Variants in PAPSS1 observed in about 807,000 individuals in gnomAD.
PAPSS1 encodes 3'-phosphoadenosine 5'-phosphosulfate synthase 1.
Under a neutral mutation model 72.0 loss-of-function variants are expected in PAPSS1, and 50 were observed. The observed-to-expected ratio is 0.69, with a 90% CI of 0.55 to 0.88. The LOEUF (loss-of-function observed/expected upper bound fraction) is 0.88. Ranked by LOEUF, PAPSS1 falls within the 40% of genes least tolerant of loss-of-function variation. PAPSS1 has a pLI of 0.00. For synonymous variants in PAPSS1, 261 were observed against 263.6 expected, an observed-to-expected ratio of 0.99 and a Z score of 0.09; for missense variants, 657 against 782.2, an observed-to-expected ratio of 0.84 and a Z score of 1.91.
chr4:107,697,727 C>A (rs1723105946), intron 2 of PAPSS1, among the ~76,000 whole-genome samples: 1 of 151,984 alleles, frequency 6.6e-6, no homozygotes, highest in Non-Finnish European at 1.5e-5. Flanking sequence ...AACTGGTATA[C>A]CTGAAGAATA....
intron 1 of PAPSS1, among the ~76,000 whole-genome samples, chr4:107,709,916 A>G (rs1397551762): frequency 6.6e-6 from 1 of 152,210 alleles, no homozygotes; most frequent in Non-Finnish European, 1.5e-5. Flanking sequence ...CTCTATTGCA[A>G]TTACCCTGTC....
intron 1 of PAPSS1, chr4:107,719,755 G>A: frequency 1.9e-6 from 2 of 1,057,056 alleles, no homozygotes; most frequent in Non-Finnish European, 2.3e-6. Context: ...TATGCAGGAA[G>A]CTCCTGTTTC....
chr4:107,717,285 C>T (rs932046292), intron 1 of PAPSS1, among the ~76,000 whole-genome samples: 1 of 151,830 alleles, frequency 6.6e-6, no homozygotes, highest in African/African-American at 2.4e-5. Context: ...CATATTTCCT[C>T]TATAGACTAT....
At chr4:107,708,564 C>T (rs1389815752) in intron 1 of PAPSS1, among the ~76,000 whole-genome samples, 1 of 152,172 alleles carries the variant, frequency 6.6e-6, no homozygotes, top group Non-Finnish European at 1.5e-5. Flanking sequence ...CTTTTCTTAT[C>T]AAATCAAGCT....
At position 107,614,000 on chromosome 4, in the gene PAPSS1, GAC is replaced by G. The variant is rs1725755950; in HGVS notation, c.*247_*248del. On this transcript the variant is annotated 3_prime_UTR_variant, in exon 12 of 12. Coordinates refer to ENST00000265174, the MANE Select transcript of PAPSS1 (RefSeq NM_005443.5). ...CAGAAGCATAAATATAATATAAAAAGACAATTTTAAAATTGTATTGTAGGAAT... is the reference window on the plus strand; with the variant it reads ...CAGAAGCATAAATATAATATAAAAAGAATTTTAAAATTGTATTGTAGGAAT... The G allele has an allele frequency of 1.8e-5, 5 of 273,250 alleles. No homozygotes were observed. The highest frequency in any genetic ancestry group is 3.4e-5 in the Non-Finnish European group (5 of 147,854). 16.9% of individuals were successfully genotyped at this position (273,250 alleles called of 1,614,324 possible).
At chr4:107,656,710 C>T (rs965703177) in intron 7 of PAPSS1, among the ~76,000 whole-genome samples, 186 bp downstream of exon 7, 12 of 152,082 alleles carry the variant, frequency 7.9e-5, no homozygotes, top group African/African-American at 2.7e-4. Flanking sequence ...AGTCAGGACA[C>T]GGAAAAACGA....
chr4:107,654,909 C>A lies in PAPSS1; in HGVS notation c.896-9G>T. The A allele has an allele frequency of 6.2e-7, 1 of 1,604,028 alleles. No homozygotes were observed. Among genetic ancestry groups the A allele is most frequent in the African/African-American group, 1.3e-5 (1 of 74,718 alleles). On this transcript the variant is annotated splice_polypyrimidine_tract_variant and intron_variant, in intron 7 of 11. Coordinates refer to ENST00000265174, the MANE Select transcript of PAPSS1 (RefSeq NM_005443.5). ...CAAGTTAATGACACCTCCTGCAGAG[C>A]ACAAAAGAACATGAAGCACACAGCT... is the stretch of plus-strand genomic sequence containing the variant.
chr4:107,622,807 C>T (rs1383536178), intron 11 of PAPSS1, among the ~76,000 whole-genome samples: 4 of 152,224 alleles, frequency 2.6e-5, no homozygotes, highest in Non-Finnish European at 1.5e-5. Flanking sequence ...GAACCCTTCA[C>T]TAATTCCATC....
intron 5 of PAPSS1, among the ~76,000 whole-genome samples, chr4:107,669,368 C>T (rs9307312): frequency 6.6e-6 from 1 of 152,206 alleles, no homozygotes; most frequent in Non-Finnish European, 1.5e-5. Context: ...AGTTGTGTGT[C>T]TATGTGTATT....
At chr4:107,673,823 A>G (rs1727562936) in intron 5 of PAPSS1, among the ~76,000 whole-genome samples, 1 of 152,242 alleles carries the variant, frequency 6.6e-6, no homozygotes, top group Non-Finnish European at 1.5e-5. Flanking sequence ...CAAAAAGGGA[A>G]GCCCATCAGA....
At position 107,693,953 on chromosome 4, in the gene PAPSS1, C is replaced by G; in HGVS notation, c.229G>C (p.Val77Leu). 1 of 1,613,806 alleles carries G rather than the reference C, an allele frequency of 6.2e-7. No homozygotes were observed. The highest frequency in any genetic ancestry group is 8.5e-7 in the Non-Finnish European group (1 of 1,179,850). Residue 77 changes from valine (V) to leucine (L), a missense_variant, in exon 3 of 12, where the codon GTT becomes CTT. Physicochemically the swap from Val to Leu is conservative, Grantham distance 32. Coordinates refer to ENST00000265174, the MANE Select transcript of PAPSS1 (RefSeq NM_005443.5). ...GTGTAGCATGGAATACCATGACAAA[C>G]CAGGTACTCCTCCAAGGCCATGCTC... ...TVSMALEEYL[V>L]CHGIPCYTLD...
chr4:107,633,474 C>T (rs1205792481), intron 10 of PAPSS1, among the ~76,000 whole-genome samples: 1 of 151,964 alleles, frequency 6.6e-6, no homozygotes, highest in Non-Finnish European at 1.5e-5. Context: ...TTTCTGTGTA[C>T]CTTGCTCTAA....
chr4:107,615,929 C>T (rs751427097), intron 11 of PAPSS1, among the ~76,000 whole-genome samples: 3 of 152,180 alleles, frequency 2.0e-5, no homozygotes, highest in Non-Finnish European at 4.4e-5. Flanking sequence ...AAAGGGTCCT[C>T]ACCAGACACC....
At chr4:107,719,303 C>T (rs1376402630) in intron 1 of PAPSS1, among the ~76,000 whole-genome samples, 8 of 152,060 alleles carry the variant, frequency 5.3e-5, no homozygotes, top group Non-Finnish European at 1.2e-4. Context: ...AAACCAGTGC[C>T]TTTCCAGACT....
intron 10 of PAPSS1, among the ~76,000 whole-genome samples, chr4:107,635,948 T>C (rs938045902): frequency 1.3e-5 from 2 of 152,230 alleles, no homozygotes; most frequent in African/African-American, 4.8e-5. Flanking sequence ...CTGTTTATCT[T>C]GTCAGTCACA....
chr4:107,663,896 T>G (rs1172983839), intron 5 of PAPSS1, among the ~76,000 whole-genome samples: 1 of 152,164 alleles, frequency 6.6e-6, no homozygotes, highest in Admixed American at 6.5e-5. Context: ...TCACACAAAT[T>G]TTTCTTATTT....
At chr4:107,616,412 A>G (rs1173765409) in intron 11 of PAPSS1, among the ~76,000 whole-genome samples, 1 of 152,208 alleles carries the variant, frequency 6.6e-6, no homozygotes, top group African/African-American at 2.4e-5. Flanking sequence ...TGTAAATGAC[A>G]GACATTAGCA....
intron 1 of PAPSS1, among the ~76,000 whole-genome samples, chr4:107,703,217 T>C (rs1723249121): frequency 1.3e-5 from 2 of 152,190 alleles, no homozygotes; most frequent in South Asian, 4.1e-4. Flanking sequence ...CACTGTTTTC[T>C]TGCCACTGAG....
chr4:107,625,570 A>C (rs916437433), intron 11 of PAPSS1, among the ~76,000 whole-genome samples: 1 of 152,234 alleles, frequency 6.6e-6, no homozygotes, highest in African/African-American at 2.4e-5. Context: ...AACAGGGTTC[A>C]GTCTGACAGT....
Sources: allele counts gnomAD v4.1 joint callset (sites outside exome capture counted in the v4.1 genomes callset), GRCh38; gene constraint gnomAD v4.1.1; transcripts MANE v1.5; gene names NCBI Gene and HGNC (gene_info 2026-07-23, HGNC 2026-07-21).